Variants in MKLN1 observed in about 807,000 individuals in gnomAD.
The protein encoded by MKLN1 is muskelin.
In MKLN1, 18 loss-of-function variants were observed where a neutral mutation model predicts 99.0. That is an observed-to-expected ratio of 0.18 (90% CI 0.13 to 0.27). The LOEUF (loss-of-function observed/expected upper bound fraction) is 0.27, where lower values mean the gene tolerates loss of function less well. MKLN1 is among the 10% of genes least tolerant of loss of function. MKLN1 has a pLI of 1.00. For missense variants in MKLN1, 621 were observed against 875.9 expected (o/e 0.71, Z 3.67); for synonymous variants, 288 against 293.2 (o/e 0.98, Z 0.18).
At chr7:131,389,045 A>C in intron 4 of MKLN1, 73 bp downstream of exon 4, 1 of 905,800 alleles carries the variant, frequency 1.1e-6, no homozygotes, top group South Asian at 1.7e-5. Context: ...CCCATAGACC[A>C]AATCCTGCAG....
intron 8 of MKLN1, among the ~76,000 whole-genome samples, chr7:131,423,280 C>T (rs796636609): frequency 3.3e-5 from 5 of 152,180 alleles, no homozygotes; most frequent in African/African-American, 1.2e-4. Flanking sequence ...GAAATTTGAA[C>T]CTTTAACTGT....
At chr7:131,294,514 C>G (rs1798263432) in intron 3 of MKLN1, among the ~76,000 whole-genome samples, 1 of 152,156 alleles carries the variant, frequency 6.6e-6, no homozygotes, top group African/African-American at 2.4e-5. Flanking sequence ...ATCTCTACTG[C>G]CTGGCTCTTC....
intron 2 of MKLN1, among the ~76,000 whole-genome samples, chr7:131,183,061 T>A (rs895510052): frequency 2.0e-5 from 3 of 152,218 alleles, no homozygotes; most frequent in African/African-American, 7.2e-5. Context: ...GTGGTTTTGC[T>A]ACTCATATAA....
intron 3 of MKLN1, among the ~76,000 whole-genome samples, chr7:131,231,448 G>T (rs902121450): frequency 3.3e-5 from 5 of 152,112 alleles, no homozygotes; most frequent in African/African-American, 4.8e-5. Context: ...TGACGTAAGG[G>T]CTTCCTTGGA....
intron 3 of MKLN1, among the ~76,000 whole-genome samples, chr7:131,292,554 T>TA (rs1244552667): frequency 6.6e-6 from 1 of 152,164 alleles, no homozygotes; most frequent in Non-Finnish European, 1.5e-5. Context: ...GCTGTCCTTA[T>TA]AAGAAGACCA....
chr7:131,206,679 C>T (rs34093704), intron 3 of MKLN1, among the ~76,000 whole-genome samples: 15,683 of 151,828 alleles, frequency 0.1, 918 homozygotes, highest in Admixed American at 0.16. Context: ...CTTCAGCCTC[C>T]AGGGTAGTTA....
intron 12 of MKLN1, among the ~76,000 whole-genome samples, chr7:131,462,414 C>T (rs946709092): frequency 6.6e-6 from 1 of 152,312 alleles, no homozygotes; most frequent in African/African-American, 2.4e-5. Context: ...AGCAACGCTG[C>T]GTTTTACCTT....
chr7:131,170,131 C>T (rs751689447), intron 2 of MKLN1, among the ~76,000 whole-genome samples: 1 of 152,138 alleles, frequency 6.6e-6, no homozygotes, highest in Non-Finnish European at 1.5e-5. Context: ...ATTGTAGCTG[C>T]TGACATAGAC....
At chr7:131,321,130 ATG>A (rs1798766466) in intron 3 of MKLN1, among the ~76,000 whole-genome samples, 1 of 152,222 alleles carries the variant, frequency 6.6e-6, no homozygotes, top group Admixed American at 6.5e-5. Flanking sequence ...ACACATGCAC[ATG>A]TGTGTTTGCC....
At chr7:131,148,575 G>C (rs1177464537) in intron 2 of MKLN1, among the ~76,000 whole-genome samples, 1 of 152,060 alleles carries the variant, frequency 6.6e-6, no homozygotes, top group Non-Finnish European at 1.5e-5. Context: ...AGGGGTTTGA[G>C]ACCAGCCTGG....
intron 2 of MKLN1, among the ~76,000 whole-genome samples, chr7:131,179,712 C>CT (rs1796351962): frequency 6.6e-6 from 1 of 151,426 alleles, no homozygotes; most frequent in South Asian, 2.1e-4. Flanking sequence ...GTAGCTGGGA[C>CT]TACAGGTGCA....
At chr7:131,246,624 C>G (rs1184894345) in intron 3 of MKLN1, among the ~76,000 whole-genome samples, 1 of 151,400 alleles carries the variant, frequency 6.6e-6, no homozygotes, top group Non-Finnish European at 1.5e-5. Flanking sequence ...CCCCCTTCCT[C>G]CAATAAAGTG....
At chr7:131,474,101 G>A (rs1796902092) in intron 16 of MKLN1, among the ~76,000 whole-genome samples, 1 of 152,190 alleles carries the variant, frequency 6.6e-6, no homozygotes, top group Admixed American at 6.5e-5. Context: ...AGTGAGCTGA[G>A]ATTGTGCCAC....
At chr7:131,254,055 C>G (rs185544761) in intron 3 of MKLN1, among the ~76,000 whole-genome samples, 2 of 152,234 alleles carry the variant, frequency 1.3e-5, no homozygotes, top group African/African-American at 4.8e-5. Flanking sequence ...GAATGACCAG[C>G]AACTAGAGGA....
At chr7:131,192,837 G>A (rs973051430) in intron 2 of MKLN1, among the ~76,000 whole-genome samples, 1 of 151,966 alleles carries the variant, frequency 6.6e-6, no homozygotes, top group Non-Finnish European at 1.5e-5. Flanking sequence ...ACTGTGCCCG[G>A]CCTGCTGTGT....
At chr7:131,163,497 A>C (rs1388323850) in intron 2 of MKLN1, among the ~76,000 whole-genome samples, 2 of 152,204 alleles carry the variant, frequency 1.3e-5, no homozygotes, top group Non-Finnish European at 2.9e-5. Flanking sequence ...GAGATGAATG[A>C]GTGCTTCATT....
chr7:131,333,336 A>G (rs1290949448), intron 1 of MKLN1, among the ~76,000 whole-genome samples: 1 of 152,158 alleles, frequency 6.6e-6, no homozygotes, highest in Admixed American at 6.5e-5. Flanking sequence ...CAGTGCCCCA[A>G]AGTGCTGCGA....
intron 3 of MKLN1, among the ~76,000 whole-genome samples, chr7:131,231,591 T>C (rs1436471591): frequency 6.6e-6 from 1 of 152,206 alleles, no homozygotes; most frequent in Non-Finnish European, 1.5e-5. Context: ...GCGTTGAGGC[T>C]GGGCATGTGT....
intron 6 of MKLN1, among the ~76,000 whole-genome samples, chr7:131,408,338 A>G (rs1794770086): frequency 6.6e-6 from 1 of 152,124 alleles, no homozygotes; most frequent in South Asian, 2.1e-4. Context: ...ATTCTTTTTG[A>G]TCTAATCATT....
Sources: allele counts gnomAD v4.1 joint callset (sites outside exome capture counted in the v4.1 genomes callset), GRCh38; gene constraint gnomAD v4.1.1; transcripts MANE v1.5; gene names NCBI Gene and HGNC (gene_info 2026-07-23, HGNC 2026-07-21).